Variants in IMMP2L observed in about 807,000 individuals in gnomAD.
IMMP2L encodes the protein inner mitochondrial membrane peptidase subunit 2.
IMMP2L carries 18 observed loss-of-function variants against 19.3 expected under a neutral mutation model. The ratio of observed to expected loss-of-function variants is 0.93; its 90% CI spans 0.64 to 1.38. IMMP2L has a LOEUF of 1.38. IMMP2L is among the 40% of genes most tolerant of loss of function. IMMP2L has a pLI of 0.00. For missense variants in IMMP2L, 233 were observed against 218.2 expected, an observed-to-expected ratio of 1.07 and a Z score of -0.43; for synonymous variants, 76 against 73.0, an observed-to-expected ratio of 1.04 and a Z score of -0.21.
At chr7:110,928,350 TGCACACACAC>T (rs1815085462) in intron 4 of IMMP2L, among the ~76,000 whole-genome samples, 1 of 110,472 alleles carries the variant, frequency 9.1e-6, no homozygotes, top group Non-Finnish European at 1.8e-5. Flanking sequence ...TATATGTACC[TGCACACACAC>T]ACACACACAC....
chr7:110,976,571 A>C (rs1585547146), intron 3 of IMMP2L, among the ~76,000 whole-genome samples: 1 of 152,170 alleles, frequency 6.6e-6, no homozygotes, highest in East Asian at 1.9e-4. Context: ...ATTTCTTTTC[A>C]AGAATATTTA....
intron 3 of IMMP2L, among the ~76,000 whole-genome samples, chr7:111,079,612 A>C (rs1051600778): frequency 6.6e-6 from 1 of 152,232 alleles, no homozygotes; most frequent in South Asian, 2.1e-4. Flanking sequence ...TTGCATATGC[A>C]TAGTAAAGAC....
intron 3 of IMMP2L, among the ~76,000 whole-genome samples, chr7:111,434,805 C>T (rs574550559): frequency 2.7e-3 from 409 of 151,896 alleles, no homozygotes; most frequent in Middle Eastern, 6.8e-3. Flanking sequence ...CCACCCGCCT[C>T]GGCCTCCCAA....
At chr7:110,851,276 C>T (rs543498254) in intron 5 of IMMP2L, among the ~76,000 whole-genome samples, 68 of 152,212 alleles carry the variant, frequency 4.5e-4, no homozygotes, top group African/African-American at 1.5e-3. Flanking sequence ...ATCATCTTTA[C>T]ACAAAAACTC....
intron 3 of IMMP2L, among the ~76,000 whole-genome samples, chr7:111,228,966 CGTGTGT>C (rs10530563): frequency 0.045 from 6,400 of 143,682 alleles, 212 homozygotes; most frequent in African/African-American, 0.095. Context: ...ACTAGCAATG[CGTGTGT>C]GTGTGTGTGT....
intron 4 of IMMP2L, among the ~76,000 whole-genome samples, chr7:110,928,873 G>A (rs929221767): frequency 3.9e-5 from 6 of 152,108 alleles, no homozygotes; most frequent in Non-Finnish European, 7.3e-5. Context: ...AGCCACTACA[G>A]AATCTATGTA....
intron 3 of IMMP2L, among the ~76,000 whole-genome samples, chr7:111,376,758 C>T (rs957211043): frequency 1.3e-5 from 2 of 151,972 alleles, no homozygotes; most frequent in African/African-American, 4.8e-5. Context: ...CATGATGAAC[C>T]TTGAAGACAT....
At chr7:111,396,392 C>T (rs1020090164) in intron 3 of IMMP2L, among the ~76,000 whole-genome samples, 15 of 152,030 alleles carry the variant, frequency 9.9e-5, no homozygotes, top group African/African-American at 3.6e-4. Flanking sequence ...TCATTCTCAG[C>T]AAACCAACAA....
chr7:111,294,397 T>C (rs1469897353), intron 3 of IMMP2L, among the ~76,000 whole-genome samples: 1 of 151,782 alleles, frequency 6.6e-6, no homozygotes, highest in Non-Finnish European at 1.5e-5. Flanking sequence ...CAAACAAAAG[T>C]AAACATGGTG....
rs765515654 is a variant in IMMP2L at position 110,886,625 on chromosome 7, C to T, written c.376G>A (p.Gly126Arg). ...GHIWVEGDHH[G>R]HSFDSNSFGP... ...AAAGAATTACTGTCAAAACTGTGTC[C>T]ATGATGATCACCTTCAACCCAGATG... The change falls in exon 5 of 6, where the codon GGA (glycine) becomes AGA (arginine). Residue 126 changes from glycine (G) to arginine (R), a missense_variant. Transcript: ENST00000405709. The T allele has an allele frequency of 1.2e-6, 2 of 1,606,668 alleles. No homozygotes were observed. The highest frequency in any genetic ancestry group is 2.2e-5 in the South Asian group (2 of 90,890).
chr7:111,308,479 T>C (rs1669219881), intron 3 of IMMP2L, among the ~76,000 whole-genome samples: 1 of 151,920 alleles, frequency 6.6e-6, no homozygotes, highest in Admixed American at 6.6e-5. Context: ...CTTAATGTAA[T>C]ATGCTTTGAG....
At chr7:111,225,518 AAAAGTTCATTGATATGGCATCAGATTCC>A (rs1421640427) in intron 3 of IMMP2L, among the ~76,000 whole-genome samples, 3 of 152,076 alleles carry the variant, frequency 2.0e-5, no homozygotes, top group Non-Finnish European at 4.4e-5. Context: ...AGAAAATACA[AAAAGTTCATTGATATGGCATCAGATTCC>A]ACACTGTAAA....
chr7:111,138,219 G>A (rs1465416982), intron 3 of IMMP2L, among the ~76,000 whole-genome samples: 2 of 152,180 alleles, frequency 1.3e-5, no homozygotes, highest in Non-Finnish European at 2.9e-5. Context: ...TGTGAATAAT[G>A]TCATATTGCC....
intron 5 of IMMP2L, among the ~76,000 whole-genome samples, chr7:110,793,453 C>A (rs1800618922): frequency 7.4e-6 from 1 of 135,448 alleles, no homozygotes; most frequent in Admixed American, 7.6e-5. Context: ...ACAAACAAAA[C>A]AACTTAAAAG....
chr7:110,754,264 C>T (rs1797909896), intron 5 of IMMP2L, among the ~76,000 whole-genome samples: 1 of 151,994 alleles, frequency 6.6e-6, no homozygotes. Flanking sequence ...ATAATGATGT[C>T]CCAATTAATA....
At chr7:110,776,293 T>A (rs1456580827) in intron 5 of IMMP2L, among the ~76,000 whole-genome samples, 2 of 152,036 alleles carry the variant, frequency 1.3e-5, no homozygotes, top group Non-Finnish European at 2.9e-5. Flanking sequence ...TTCGCGTAAG[T>A]AATGTTAAAA....
At chr7:111,211,250 C>A (rs536377822) in intron 3 of IMMP2L, among the ~76,000 whole-genome samples, 1 of 152,078 alleles carries the variant, frequency 6.6e-6, no homozygotes, top group Admixed American at 6.5e-5. Context: ...TGGATTTTCA[C>A]CAAAGGAGTT....
Position 111,436,224 on chromosome 7 carries a change from T to A in IMMP2L, c.239+51014A>T, listed in dbSNP as rs76614141. ...AAGCAAAAAATATTAAAATAAAGGA[T>A]TTATTACATAAATTATGTCATATCC... On this transcript the variant is annotated intron_variant, in intron 3 of 5. Transcript: ENST00000405709. Among the ~76,000 whole-genome samples the A allele has an allele frequency of 9.2e-3, 1,390 of 151,744 alleles. 11 individuals are homozygous for A. Among genetic ancestry groups the A allele is most frequent in the Non-Finnish European group, 0.016 (1,094 of 67,976 alleles).
chr7:110,703,369 C>A (rs1277548232), intron 5 of IMMP2L, among the ~76,000 whole-genome samples: 1 of 151,998 alleles, frequency 6.6e-6, no homozygotes, highest in African/African-American at 2.4e-5. Flanking sequence ...TGTCTACCTT[C>A]ACTGGAGTAT....
Sources: allele counts gnomAD v4.1 joint callset (sites outside exome capture counted in the v4.1 genomes callset), GRCh38; gene constraint gnomAD v4.1.1; transcripts MANE v1.5; gene names NCBI Gene and HGNC (gene_info 2026-07-23, HGNC 2026-07-21).